ZNF782: variants seen among roughly 807,000 people sequenced by gnomAD.
ZNF782 encodes the protein zinc finger protein 782.
ZNF782 carries 12 observed loss-of-function variants against 13.0 expected under a neutral mutation model. The ratio of observed to expected loss-of-function variants is 0.92; its 90% CI spans 0.59 to 1.50. ZNF782 has a LOEUF of 1.50. Among genes scored for constraint, ZNF782 ranks in the 40% most tolerant of loss-of-function variants. ZNF782 has a pLI of 0.00. For synonymous variants in ZNF782, 284 were observed against 283.0 expected (o/e 1.00, Z -0.04); for missense variants, 770 against 822.9 (o/e 0.94, Z 0.79).
the ZNF782 span, among the ~76,000 whole-genome samples, chr9:96,933,096 G>A: frequency 1.3e-5 from 2 of 150,430 alleles, no homozygotes; most frequent in Non-Finnish European, 2.9e-5. Flanking sequence ...TCCTGCCTCA[G>A]GCTCCCGAGT....
At chr9:96,930,247 G>A in the ZNF782 span, among the ~76,000 whole-genome samples, 7 of 152,168 alleles carry the variant, frequency 4.6e-5, no homozygotes, top group Non-Finnish European at 7.4e-5. Context: ...ATCCCTGGCC[G>A]GGCGCGGTGG....
chr9:96,863,352 A>T (rs867989736), intron 1 of ZNF782, among the ~76,000 whole-genome samples: 1,522 of 122,366 alleles, frequency 0.012, 22 homozygotes, highest in African/African-American at 0.065. Flanking sequence ...TTTAAAAATA[A>T]AAAAAAAAAA....
intron 4 of ZNF782, among the ~76,000 whole-genome samples, chr9:96,838,774 G>C (rs1202001171): frequency 6.7e-6 from 1 of 149,308 alleles, no homozygotes; most frequent in South Asian, 2.1e-4. Flanking sequence ...GGAGTGCAGT[G>C]GAGTGATCTT....
chr9:96,876,905 C>A (rs1252201774), upstream of ZNF782, among the ~76,000 whole-genome samples: 5 of 114,950 alleles, frequency 4.3e-5, no homozygotes, highest in Non-Finnish European at 4.9e-5. Context: ...ACTCCGGAGG[C>A]TGAGGCAGGA....
chr9:96,866,008 T>C (rs1354758202), intron 1 of ZNF782, among the ~76,000 whole-genome samples: 2 of 152,150 alleles, frequency 1.3e-5, no homozygotes, highest in Admixed American at 1.3e-4. Flanking sequence ...GCATTCTGTT[T>C]TAAAAGGGAC....
At chr9:96,831,339 A>G (rs891434831) in intron 4 of ZNF782, among the ~76,000 whole-genome samples, 2 of 152,200 alleles carry the variant, frequency 1.3e-5, no homozygotes, top group Admixed American at 6.5e-5. Context: ...GCCAATGTCA[A>G]CTTCCTGATA....
At position 96,834,103 on chromosome 9, in the gene ZNF782, C is replaced by A. The variant is rs957635122; in HGVS notation, c.143-6922G>T. On this transcript the variant is annotated intron_variant, in intron 4 of 5. Transcript: ENST00000481138. ...GGATCCCTCATGAAAAGATTAATGC[C>A]CTCTGACATGGTTTGGCTGTGTCCC... Among the ~76,000 whole-genome samples, 4 of 152,104 alleles carry A rather than the reference C, an allele frequency of 2.6e-5. No homozygotes were observed. The East Asian group carries it at 7.7e-4, about 29-fold the overall frequency.
rs77769384 is a variant in ZNF782, at chr9:96,821,002, T to C, written c.245-1224A>G. Among the ~76,000 whole-genome samples the C allele has an allele frequency of 5.2e-3, 796 of 152,360 alleles. 36 individuals carry two copies. In the East Asian group the frequency reaches 0.099, roughly 19 times the overall value. On this transcript the variant is annotated intron_variant, in intron 5 of 5. Coordinates refer to ENST00000481138, the MANE Select transcript of ZNF782 (RefSeq NM_001001662.3). ...CTAGTTTTTATTGACTATGTGAACC[T>C]TACGGATCATATATTTTAACCTGGA...
chr9:96,926,463 G>A, the ZNF782 span, among the ~76,000 whole-genome samples: 1 of 152,250 alleles, frequency 6.6e-6, no homozygotes, highest in African/African-American at 2.4e-5. Context: ...TCGAGGTAGA[G>A]TTGCACAGCA....
the ZNF782 span, chr9:96,910,152 A>G: frequency 3.6e-6 from 3 of 827,840 alleles, no homozygotes; most frequent in South Asian, 3.9e-5. Context: ...GTTGTGAAAG[A>G]GGCGGAAAAT....
At chr9:96,917,534 T>A in the ZNF782 span, among the ~76,000 whole-genome samples, 7 of 151,666 alleles carry the variant, frequency 4.6e-5, no homozygotes, top group African/African-American at 1.7e-4. Context: ...CGGGTTCAAG[T>A]GATTCTCCTA....
intron 2 of ZNF782, among the ~76,000 whole-genome samples, chr9:96,860,690 T>C (rs1040703756): frequency 2.0e-5 from 3 of 152,226 alleles, no homozygotes; most frequent in African/African-American, 4.8e-5. Flanking sequence ...TTTCAAATTA[T>C]ACCGTACAGC....
At chr9:96,834,916 A>G (rs528643613) in intron 4 of ZNF782, among the ~76,000 whole-genome samples, 38 of 152,342 alleles carry the variant, frequency 2.5e-4, no homozygotes, top group Middle Eastern at 3.4e-3. Flanking sequence ...TGAGGCTCAG[A>G]TGAAGACAGG....
intron 1 of ZNF782, among the ~76,000 whole-genome samples, chr9:96,871,653 T>C (rs1223963995): frequency 6.6e-6 from 1 of 152,204 alleles, no homozygotes; most frequent in African/African-American, 2.4e-5. Flanking sequence ...GCGCTGTGAT[T>C]GTGCCTGGAA....
chr9:96,915,424 A>C, the ZNF782 span, among the ~76,000 whole-genome samples: 1 of 149,928 alleles, frequency 6.7e-6, no homozygotes, highest in Admixed American at 6.6e-5. Context: ...CATACCTGTA[A>C]TCCCAGCACT....
the ZNF782 span, among the ~76,000 whole-genome samples, chr9:96,884,834 G>A: frequency 6.6e-6 from 1 of 151,994 alleles, no homozygotes; most frequent in Non-Finnish European, 1.5e-5. Context: ...GGTTAACTAG[G>A]ATTCATGGTC....
chr9:96,930,871 G>GTTTTTTTTT, the ZNF782 span, among the ~76,000 whole-genome samples: 3 of 104,404 alleles, frequency 2.9e-5, 1 homozygote, highest in African/African-American at 7.5e-5. Flanking sequence ...TCCATCCAGT[G>GTTTTTTTTT]GTTTTTTTTT....
upstream of ZNF782, among the ~76,000 whole-genome samples, chr9:96,876,889 C>T (rs1588179214): frequency 7.0e-6 from 1 of 142,596 alleles, no homozygotes; most frequent in Admixed American, 7.1e-5. Context: ...GCCTGCAGTC[C>T]CAGCTACTCC....
chr9:96,841,292 A>G (rs1444320984), intron 4 of ZNF782, among the ~76,000 whole-genome samples: 2 of 152,122 alleles, frequency 1.3e-5, no homozygotes. Flanking sequence ...AGATGGTTTC[A>G]CTAGATAACT....
Sources: gnomAD v4.1 joint callset for allele counts (sites outside exome capture counted in the v4.1 genomes callset) on GRCh38, gnomAD v4.1.1 for gene constraint, MANE v1.5 for transcripts, NCBI Gene and HGNC (gene_info 2026-07-23, HGNC 2026-07-21) for gene names.